SLC6A12: variants seen among roughly 807,000 people sequenced by gnomAD.
The protein encoded by SLC6A12 is sodium- and chloride-dependent betaine transporter.
A neutral mutation model predicts 73.3 loss-of-function variants in SLC6A12; 50 were observed. The ratio of observed to expected loss-of-function variants is 0.68; its 90% CI spans 0.54 to 0.86. The LOEUF (loss-of-function observed/expected upper bound fraction) is 0.86, where lower values mean the gene tolerates loss of function less well. SLC6A12 is among the 40% of genes least tolerant of loss of function. SLC6A12 has a pLI of 0.00. For missense variants in SLC6A12, 648 were observed against 772.8 expected (o/e 0.84, Z 1.92); for synonymous variants, 304 against 309.2 (o/e 0.98, Z 0.18).
At position 197,918 on chromosome 12, in the gene SLC6A12, T is replaced by C. The variant is rs1346284527; in HGVS notation, c.932A>G (p.Tyr311Cys). 2 of 1,612,218 alleles carry C rather than the reference T, an allele frequency of 1.2e-6. No individual in the cohort carries two copies. Among genetic ancestry groups the C allele is most frequent in the Non-Finnish European group, 1.7e-6 (2 of 1,179,228 alleles). The change falls in exon 9 of 16, where the codon TAT becomes TGT. Residue 311 changes from tyrosine (Y) to cysteine (C), a missense_variant. Transcript: ENST00000684302. ...CLTALGSYNK[Y>C]HNNCYKDCIA... ...TTCTCACTTGTAGCAGTTGTTGTGA[T>C]ACTTGTTGTAGCTGCCCAGGGCTGT...
At chr12:211,374 G>C (rs536756607) in intron 2 of SLC6A12, among the ~76,000 whole-genome samples, 41 of 152,370 alleles carry the variant, frequency 2.7e-4, no homozygotes, top group African/African-American at 9.9e-4. Flanking sequence ...CCAGGAATGG[G>C]AAAGCATGTC....
chr12:208,941 C>T (rs1286701175), intron 3 of SLC6A12, among the ~76,000 whole-genome samples: 1 of 152,152 alleles, frequency 6.6e-6, no homozygotes, highest in East Asian at 1.9e-4. Context: ...ATTTCTCCAA[C>T]CAAAATTGCT....
In SLC6A12 at chr12:209,807, C is replaced by G. The variant is rs1230324369; in HGVS notation, c.180G>C (p.Trp60Cys). ...AGEIIGLGNV[W>C]RFPYLCYKNG... ...TTTTGTAGCAGAGATAGGGAAACCT[C>G]CAGACATTGCCCAGCCCAATGATCT... The change falls in exon 3 of 16, where the codon TGG becomes TGC. Residue 60 changes from tryptophan to cysteine, a missense_variant. Trp to Cys is a radical substitution (Grantham distance 215). Transcript: ENST00000684302. 2.5e-6 allele frequency: 4 copies of G among 1,614,238 alleles called. No individual in the cohort carries two copies. The highest frequency in any genetic ancestry group is 3.4e-6 in the Non-Finnish European group (4 of 1,180,046).
chr12:186,066 C>A (rs1329265092), downstream of SLC6A12, among the ~76,000 whole-genome samples: 4 of 151,930 alleles, frequency 2.6e-5, no homozygotes, highest in African/African-American at 9.7e-5. Flanking sequence ...AGCCCAGGGT[C>A]AGGGGAGGGC....
At chr12:204,795 C>T (rs1010718129) in intron 3 of SLC6A12, 97 bp from the exon 4 acceptor site, 3 of 1,389,242 alleles carry the variant, frequency 2.2e-6, no homozygotes, top group African/African-American at 2.9e-5. Flanking sequence ...CGCCCTCCAC[C>T]ATCCTGTTCT....
chr12:204,628 C>G lies in SLC6A12; in HGVS notation c.285G>C (p.Ala95=). Residue 95 remains alanine, a synonymous_variant, in exon 4 of 16, where the codon GCG becomes GCC. Transcript: ENST00000684302. ...TCCCTTGGCTGGTGTATTGGCCCAACGCCACCTCCAGGAAGAACACCGGGA... is the reference window on the plus strand; with the variant it reads ...TCCCTTGGCTGGTGTATTGGCCCAAGGCCACCTCCAGGAAGAACACCGGGA... ...CGIPVFFLEV[A]LGQYTSQGSV... is the part of the protein sequence containing the mutation. 1 of 1,614,186 alleles carries G rather than the reference C, an allele frequency of 6.2e-7. No individual in the cohort carries two copies. The highest frequency in any genetic ancestry group is 1.1e-5 in the South Asian group (1 of 91,086).
At chr12:186,491 G>C (rs968497816), downstream of SLC6A12, among the ~76,000 whole-genome samples, 6 of 152,218 alleles carry the variant, frequency 3.9e-5, no homozygotes, top group Non-Finnish European at 8.8e-5. Context: ...ACTTGGCTGG[G>C]CATTTCTGGC....
At position 198,086 on chromosome 12, in the gene SLC6A12, C is replaced by A. The variant is rs1410517963; in HGVS notation, c.847-83G>T. On this transcript the variant is annotated intron_variant, in intron 8 of 15. Coordinates refer to ENST00000684302, the MANE Select transcript of SLC6A12 (RefSeq NM_001122848.3). The surrounding 1 kb of genome is among the most constrained non-coding windows in gnomAD (Gnocchi z 4.0). ...ACCCGAGATCCAGACCCGTCCCCTG[C>A]AGCACCAGCCTGGCCCCTCAGTGCT... The A allele has an allele frequency of 1.9e-6, 2 of 1,066,242 alleles. No individual in the cohort carries two copies. Among genetic ancestry groups the A allele is most frequent in the Non-Finnish European group, 2.9e-6 (2 of 697,590 alleles). The allele number at this position is 1,066,242 out of a possible 1,614,324, so 66.0% of individuals were successfully genotyped here. A position where few individuals can be genotyped will look rare whatever the true frequency, so the allele number is the denominator to read the frequency against.
At chr12:189,229 G>A (rs1197097291), downstream of SLC6A12, among the ~76,000 whole-genome samples, 2 of 152,102 alleles carry the variant, frequency 1.3e-5, no homozygotes, top group African/African-American at 4.8e-5. Context: ...TAGGGGCCCC[G>A]GGGGAGGGCG....
chr12:200,985 T>C (rs1468582159), intron 6 of SLC6A12, among the ~76,000 whole-genome samples: 1 of 152,194 alleles, frequency 6.6e-6, no homozygotes, highest in Admixed American at 6.5e-5. Flanking sequence ...TTTATCTTTC[T>C]AACTCATCCA....
rs148539386 is a variant in SLC6A12 at position 208,884 on chromosome 12, T to C, written c.214+889A>G. Among the ~76,000 whole-genome samples, 142 of 152,052 alleles carry C rather than the reference T, an allele frequency of 9.3e-4. 1 individual carries two copies. In the East Asian group the frequency reaches 0.021, roughly 23 times the overall value. On this transcript the variant is annotated intron_variant, in intron 3 of 15. Coordinates refer to ENST00000684302, the MANE Select transcript of SLC6A12 (RefSeq NM_001122848.3). ...AATTTTTACACCCAGTGCTGAAAAA[T>C]AATAAAATCATGTTTCTCTAACTTG...
rs140649589 is a variant in SLC6A12 at position 209,836 on chromosome 12, C to T, written c.151G>A (p.Gly51Arg). 17 of 1,614,050 alleles carry T rather than the reference C, an allele frequency of 1.1e-5. No individual in the cohort carries two copies. Among genetic ancestry groups the T allele is most frequent in the South Asian group, 3.3e-5 (3 of 91,076 alleles). ...NKMEFVLSVA[G>R]EIIGLGNVWR... ...ACATTGCCCAGCCCAATGATCTCCC[C>T]GGCCACTGACAGCACAAACTCCATC... The change falls in exon 3 of 16, where the codon GGG (glycine) becomes AGG (arginine). Residue 51 changes from glycine (G) to arginine (R), a missense_variant. Transcript: ENST00000684302.
At chr12:187,268 G>A (rs936748691), downstream of SLC6A12, among the ~76,000 whole-genome samples, 5 of 152,260 alleles carry the variant, frequency 3.3e-5, no homozygotes, top group Middle Eastern at 3.4e-3. Flanking sequence ...CAAGCATGAA[G>A]CCGCAGACCC....
chr12:204,857 C>G, intron 3 of SLC6A12, 159 bp from the exon 4 acceptor site: 3 of 730,322 alleles, frequency 4.1e-6, no homozygotes. Context: ...GCGTGCAGTC[C>G]TGAGTGTTAG....
At chr12:186,075 G>GCTCTGGAGGGGTCAGAGGAGGT (rs1939423779), downstream of SLC6A12, among the ~76,000 whole-genome samples, 1 of 151,556 alleles carries the variant, frequency 6.6e-6, no homozygotes. Flanking sequence ...TCAGGGGAGG[G>GCTCTGGAGGGGTCAGAGGAGGT]CTCTGGAGGG....
downstream of SLC6A12, among the ~76,000 whole-genome samples, chr12:186,785 C>A (rs942313230): frequency 6.6e-6 from 1 of 152,168 alleles, no homozygotes; most frequent in Non-Finnish European, 1.5e-5. Context: ...TACCCTTCTT[C>A]GGGAGAATGT....
At position 201,877 on chromosome 12, in the gene SLC6A12, T is replaced by G. The variant is rs769626615; in HGVS notation, c.491-28A>C. ...GTTGGGGACAAGGTTAGGGACAAGA[T>G]GGAGAGAGATGCTCTTATACCCTAG... On this transcript the variant is annotated intron_variant, in intron 5 of 15. Coordinates refer to ENST00000684302, the MANE Select transcript of SLC6A12 (RefSeq NM_001122848.3). The G allele has an allele frequency of 3.8e-6, 6 of 1,584,606 alleles. No homozygotes were observed. The South Asian group carries it at 6.6e-5, about 18-fold the overall frequency.
At chr12:201,262 G>C (rs1356132736) in intron 6 of SLC6A12, 1 of 194,760 alleles carries the variant, frequency 5.1e-6, no homozygotes, top group Non-Finnish European at 1.1e-5. Flanking sequence ...AGTACAGGCA[G>C]TCTTGCGTGG....
rs1474854695 is a variant in SLC6A12 at position 190,202 on chromosome 12, T to G, written c.*866A>C. 6.6e-6 allele frequency: 1 copy of G among 152,272 alleles called. No individual in the cohort carries two copies. The highest frequency in any genetic ancestry group is 6.5e-5 in the Admixed American group (1 of 15,292). 9.4% of individuals were successfully genotyped at this position (152,272 alleles called of 1,614,324 possible). A position where few individuals can be genotyped will look rare whatever the true frequency, so the allele number is the denominator to read the frequency against. On this transcript the variant is annotated 3_prime_UTR_variant, in exon 16 of 16. Coordinates refer to ENST00000684302, the MANE Select transcript of SLC6A12 (RefSeq NM_001122848.3). ...GGCCCCCAAGAAGGGGGTCCCCATG[T>G]GAACTTGAAAAAGTCCCTTTGTCTC...
Sources: gnomAD v4.1 joint callset for allele counts (sites outside exome capture counted in the v4.1 genomes callset) on GRCh38, gnomAD v4.1.1 for gene constraint, Gnocchi (gnomAD v3.1) non-coding constraint, MANE v1.5 for transcripts, NCBI Gene and HGNC (gene_info 2026-07-23, HGNC 2026-07-21) for gene names.